PTP4A2: variants seen among roughly 807,000 people sequenced by gnomAD.
The protein encoded by PTP4A2 is protein tyrosine phosphatase 4A2, also known as protein tyrosine phosphatase type IVA 2.
A neutral mutation model predicts 22.9 loss-of-function variants in PTP4A2; 2 were observed. That is an observed-to-expected ratio of 0.09 (90% CI 0.04 to 0.27). The LOEUF (loss-of-function observed/expected upper bound fraction) is 0.27. PTP4A2 is among the 10% of genes least tolerant of loss of function. The pLI is 1.00. For synonymous variants in PTP4A2, 68 were observed against 69.1 expected (o/e 0.98, Z 0.08); for missense variants, 103 against 205.1 (o/e 0.50, Z 3.04).
At chr1:31,909,625 T>C (rs1415058387) in intron 5 of PTP4A2, among the ~76,000 whole-genome samples, 2 of 151,840 alleles carry the variant, frequency 1.3e-5, no homozygotes, top group African/African-American at 2.4e-5. Flanking sequence ...TGAGCCGAGA[T>C]TGAGCCACTG....
rs796462460 is a variant in PTP4A2 at position 31,908,145 on chromosome 1, T to C, written c.*707A>G. On this transcript the variant is annotated 3_prime_UTR_variant, in exon 6 of 6. Transcript: ENST00000647444. The stretch of plus-strand genomic sequence containing the variant: ...ATATATATATATATATTATATTATA[T>C]ATATATATATATATATATATATATA... 0.046 allele frequency: 18 copies of C among 392 alleles called. No individual in the cohort carries two copies. The highest frequency in any genetic ancestry group is 0.092 in the Non-Finnish European group (14 of 152). The allele number at this position is 392 out of a possible 1,614,324, so 0.0% of individuals were successfully genotyped here.
At chr1:31,929,842 T>C (rs1383338433) in intron 1 of PTP4A2, among the ~76,000 whole-genome samples, 1 of 152,206 alleles carries the variant, frequency 6.6e-6, no homozygotes, top group Non-Finnish European at 1.5e-5. Context: ...AAAGAACACC[T>C]GGAGTCAGCC....
chr1:31,922,598 C>T (rs568280749), intron 1 of PTP4A2, among the ~76,000 whole-genome samples: 2 of 79,216 alleles, frequency 2.5e-5, no homozygotes, highest in African/African-American at 1.9e-4. Context: ...TTCTTTCTTT[C>T]TTTCTTTCTT....
intron 2 of PTP4A2, among the ~76,000 whole-genome samples, chr1:31,916,874 T>C (rs1372487702): frequency 6.6e-6 from 1 of 152,220 alleles, no homozygotes; most frequent in African/African-American, 2.4e-5. Flanking sequence ...TTATTAACAA[T>C]TAAATGTTGT....
At chr1:31,911,904 G>C in intron 3 of PTP4A2, 78 bp from the exon 4 acceptor site, 1 of 1,124,608 alleles carries the variant, frequency 8.9e-7, no homozygotes, top group Non-Finnish European at 1.2e-6. Context: ...CCTGCACACA[G>C]TACACACGGC....
chr1:31,930,263 CG>C lies in PTP4A2; in HGVS notation c.-594+7723del, dbSNP rs373147875. ...TGAGGCAGGAGAATGGCGTGAACCC[CG>C]GGGGGGCGGAACCTGCAGTGAGCCG... On this transcript the variant is annotated intron_variant, in intron 1 of 5. Transcript: ENST00000647444. Among the ~76,000 whole-genome samples the C allele has an allele frequency of 4.3e-3, 654 of 151,734 alleles. 2 individuals are homozygous for C. The highest frequency in any genetic ancestry group is 0.023 in the South Asian group (112 of 4,792).
At position 31,909,671 on chromosome 1, in the gene PTP4A2, C is replaced by CAA. The variant is rs1213460518; in HGVS notation, c.395+365_395+366dup. The stretch of plus-strand genomic sequence containing the variant: ...TGAGCAACAGAGCGAGACTCCATCT[C>CAA]AAAAAAAAAAAAAAGAGTCTCAGGT... On this transcript the variant is annotated intron_variant, in intron 5 of 5. Transcript: ENST00000647444. Among the ~76,000 whole-genome samples, 289 of 126,322 alleles carry CAA rather than the reference C, an allele frequency of 2.3e-3. 3 individuals carry two copies. Among genetic ancestry groups the CAA allele is most frequent in the Non-Finnish European group, 3.6e-3 (213 of 59,018 alleles). The allele number at this position is 126,322 out of a possible 152,430, so 82.9% of individuals were successfully genotyped here.
At position 31,907,277 on chromosome 1, in the gene PTP4A2, G is replaced by A. The variant is rs772902077; in HGVS notation, c.*1575C>T. The A allele has an allele frequency of 2.6e-5, 4 of 152,230 alleles. No individual in the cohort carries two copies. The highest frequency in any genetic ancestry group is 4.8e-5 in the African/African-American group (2 of 41,442). The allele number at this position is 152,230 out of a possible 1,614,324, so 9.4% of individuals were successfully genotyped here. A position where few individuals can be genotyped will look rare whatever the true frequency, so the allele number is the denominator to read the frequency against. On this transcript the variant is annotated 3_prime_UTR_variant, in exon 6 of 6. Coordinates refer to ENST00000647444, the MANE Select transcript of PTP4A2 (RefSeq NM_080391.4). ...AGCCCTAGAAGCAGGGCACTACTGA[G>A]TACGTAATATTTAGAGGTGAAAATA...
At position 31,912,756 on chromosome 1, in the gene PTP4A2, G is replaced by A. The variant is rs1409554356; in HGVS notation, c.190-930C>T. 2.0e-5 allele frequency among the ~76,000 whole-genome samples: 3 copies of A among 152,234 alleles called. No individual in the cohort carries two copies. In the East Asian group the frequency reaches 5.8e-4, roughly 29 times the overall value. On this transcript the variant is annotated intron_variant, in intron 3 of 5. Coordinates refer to ENST00000647444, the MANE Select transcript of PTP4A2 (RefSeq NM_080391.4). ...TTTAAAAACATAAGGCTATTCTAATGAGATTGGATAAGGACACTTTAAGAT... is the reference window on the plus strand; with the variant it reads ...TTTAAAAACATAAGGCTATTCTAATAAGATTGGATAAGGACACTTTAAGAT...
chr1:31,921,165 A>C (rs1296310795), intron 1 of PTP4A2, among the ~76,000 whole-genome samples: 1 of 152,214 alleles, frequency 6.6e-6, no homozygotes, highest in East Asian at 1.9e-4. Flanking sequence ...TTTTTTAAAA[A>C]TCATTTCCCC....
At chr1:31,935,247 C>T (rs1460112635) in intron 1 of PTP4A2, among the ~76,000 whole-genome samples, 1 of 152,046 alleles carries the variant, frequency 6.6e-6, no homozygotes, top group Non-Finnish European at 1.5e-5. Context: ...CAGACATATC[C>T]CAGGTGCCTC....
intron 1 of PTP4A2, among the ~76,000 whole-genome samples, chr1:31,929,507 C>T (rs973521154): frequency 2.6e-5 from 4 of 152,168 alleles, no homozygotes; most frequent in African/African-American, 9.7e-5. Context: ...GACTCCCAAG[C>T]CCCTTTATTA....
chr1:31,929,931 G>A (rs1652644716), intron 1 of PTP4A2, among the ~76,000 whole-genome samples: 1 of 152,184 alleles, frequency 6.6e-6, no homozygotes, highest in Non-Finnish European at 1.5e-5. Flanking sequence ...GTTCCCTGAG[G>A]TTGCAAAATA....
Position 31,906,516 on chromosome 1 carries a change from A to G in PTP4A2, c.*2336T>C, listed in dbSNP as rs368778307. 6.6e-6 allele frequency: 1 copy of G among 152,164 alleles called. No homozygotes were observed. Among genetic ancestry groups the G allele is most frequent in the Non-Finnish European group, 1.5e-5 (1 of 68,026 alleles). 9.4% of individuals were successfully genotyped at this position (152,164 alleles called of 1,614,324 possible). ...TTTCAAATCAATCTGACATCTCTCT[A>G]TGTCAAACTGGCTTCAGCTAGCAAT... On this transcript the variant is annotated 3_prime_UTR_variant, in exon 6 of 6. Transcript: ENST00000647444.
intron 1 of PTP4A2, among the ~76,000 whole-genome samples, chr1:31,934,727 C>T (rs1652861942): frequency 6.6e-6 from 1 of 152,102 alleles, no homozygotes; most frequent in African/African-American, 2.4e-5. Flanking sequence ...ATATGGGGCT[C>T]TCATACTGTT....
chr1:31,932,372 C>CA (rs1557869146), intron 1 of PTP4A2, among the ~76,000 whole-genome samples: 2 of 152,070 alleles, frequency 1.3e-5, no homozygotes, highest in East Asian at 3.9e-4. Flanking sequence ...GAAAGGGTCA[C>CA]AAAAAAGCCT....
intron 5 of PTP4A2, among the ~76,000 whole-genome samples, chr1:31,909,371 GAT>G (rs1232932407): frequency 4.6e-5 from 7 of 152,100 alleles, no homozygotes; most frequent in Admixed American, 2.0e-4. Flanking sequence ...TCCCTGAATA[GAT>G]CACTTAAGAG....
At chr1:31,929,979 T>C (rs948414528) in intron 1 of PTP4A2, among the ~76,000 whole-genome samples, 4 of 152,182 alleles carry the variant, frequency 2.6e-5, no homozygotes, top group Non-Finnish European at 5.9e-5. Context: ...CCTTTCAAAA[T>C]AACCTACAGC....
rs1651244363 is a variant in PTP4A2 at position 31,907,541 on chromosome 1, A to G, written c.*1311T>C. ...GCCTGTGGACACATACTCACTAGGC[A>G]TCATTGTTGGTTTTAAACCAGGGAT... is the stretch of plus-strand genomic sequence containing the variant. On this transcript the variant is annotated 3_prime_UTR_variant, in exon 6 of 6. Coordinates refer to ENST00000647444, the MANE Select transcript of PTP4A2 (RefSeq NM_080391.4). 1 of 152,086 alleles carries G rather than the reference A, an allele frequency of 6.6e-6. No homozygotes were observed. The highest frequency in any genetic ancestry group is 1.5e-5 in the Non-Finnish European group (1 of 68,016). 9.4% of individuals were successfully genotyped at this position (152,086 alleles called of 1,614,324 possible).
Sources: gnomAD v4.1 joint callset for allele counts (sites outside exome capture counted in the v4.1 genomes callset) on GRCh38, gnomAD v4.1.1 for gene constraint, MANE v1.5 for transcripts, NCBI Gene and HGNC (gene_info 2026-07-23, HGNC 2026-07-21) for gene names.